Variants in PSD3 observed in about 807,000 individuals in gnomAD.
PSD3 encodes pleckstrin and Sec7 domain containing 3, also known as PH and SEC7 domain-containing protein 3.
Under a neutral mutation model 105.5 loss-of-function variants are expected in PSD3, and 49 were observed. The observed-to-expected ratio is 0.46, with a 90% CI of 0.37 to 0.59. The LOEUF (loss-of-function observed/expected upper bound fraction) is 0.59, where lower values mean the gene tolerates loss of function less well. PSD3 is among the 20% of genes least tolerant of loss of function. The probability of loss-of-function intolerance (pLI) is 0.00; values close to 1 mark genes in which losing one functional copy is unlikely to be tolerated. For missense variants in PSD3, 1,561 were observed against 1,263.8 expected, an observed-to-expected ratio of 1.24 and a Z score of -3.57; for synonymous variants, 557 against 457.8, an observed-to-expected ratio of 1.22 and a Z score of -2.77.
At chr8:18,752,607 TA>T (rs1805673683) in intron 9 of PSD3, among the ~76,000 whole-genome samples, 2 of 68,520 alleles carry the variant, frequency 2.9e-5, no homozygotes, top group African/African-American at 6.2e-5. Context: ...ATATTATATA[TA>T]ATACATATAA....
chr8:18,908,190 T>G (rs1190733084), intron 2 of PSD3, among the ~76,000 whole-genome samples: 2 of 152,132 alleles, frequency 1.3e-5, no homozygotes, highest in Admixed American at 1.3e-4. Context: ...GAATGATTGG[T>G]TCAACAATAG....
At chr8:18,731,114 G>T (rs1286400285) in intron 9 of PSD3, among the ~76,000 whole-genome samples, 1 of 151,582 alleles carries the variant, frequency 6.6e-6, no homozygotes, top group Non-Finnish European at 1.5e-5. Flanking sequence ...AAATTAGCTG[G>T]ACGTGGGGGC....
intron 1 of PSD3, among the ~76,000 whole-genome samples, chr8:19,079,144 A>G (rs1418084485): frequency 6.6e-6 from 1 of 152,088 alleles, no homozygotes; most frequent in African/African-American, 2.4e-5. Flanking sequence ...AGGAGAGAAA[A>G]AGAGCAAGAG....
intron 2 of PSD3, among the ~76,000 whole-genome samples, chr8:18,924,264 G>A (rs754215631): frequency 1.2e-4 from 18 of 152,188 alleles, no homozygotes; most frequent in Non-Finnish European, 2.4e-4. Flanking sequence ...AGAGGCTGTG[G>A]TACAGCTAAA....
chr8:18,891,991 G>T (rs953214252), intron 2 of PSD3, among the ~76,000 whole-genome samples: 2 of 152,122 alleles, frequency 1.3e-5, no homozygotes, highest in Non-Finnish European at 2.9e-5. Flanking sequence ...ACAGTTAAAA[G>T]AATAAGAAGC....
At chr8:18,772,495 T>C (rs1007578273) in intron 8 of PSD3, among the ~76,000 whole-genome samples, 1 of 152,202 alleles carries the variant, frequency 6.6e-6, no homozygotes, top group Non-Finnish European at 1.5e-5. Context: ...TGTTTTCATA[T>C]GCTTGTGAAC....
intron 9 of PSD3, among the ~76,000 whole-genome samples, chr8:18,730,731 C>A (rs1254624960): frequency 6.6e-6 from 1 of 152,216 alleles, no homozygotes; most frequent in African/African-American, 2.4e-5. Context: ...GATCTCCAAA[C>A]ATTGCCAGAT....
At chr8:18,638,611 T>G (rs1310311369) in intron 10 of PSD3, among the ~76,000 whole-genome samples, 1 of 151,938 alleles carries the variant, frequency 6.6e-6, no homozygotes, top group Non-Finnish European at 1.5e-5. Flanking sequence ...CTGAAAACCG[T>G]AAAACATTGA....
intron 1 of PSD3, among the ~76,000 whole-genome samples, chr8:18,987,018 A>G (rs955209966): frequency 6.6e-6 from 1 of 152,182 alleles, no homozygotes; most frequent in Non-Finnish European, 1.5e-5. Context: ...TTCACAAAAA[A>G]AATTTGCAAC....
At chr8:18,942,155 C>A (rs913395222) in intron 1 of PSD3, among the ~76,000 whole-genome samples, 1 of 152,146 alleles carries the variant, frequency 6.6e-6, no homozygotes, top group East Asian at 1.9e-4. Flanking sequence ...AGGTGGCATG[C>A]TCCTTCATTT....
intron 8 of PSD3, among the ~76,000 whole-genome samples, chr8:18,776,705 G>C (rs762479229): frequency 2.6e-5 from 4 of 152,132 alleles, no homozygotes; most frequent in Non-Finnish European, 5.9e-5. Flanking sequence ...TGACAGAACT[G>C]AGCAGTGAAA....
intron 1 of PSD3, among the ~76,000 whole-genome samples, chr8:18,991,799 C>T (rs1436940413): frequency 6.6e-6 from 1 of 152,110 alleles, no homozygotes; most frequent in Non-Finnish European, 1.5e-5. Context: ...AACTTTTATC[C>T]ATGTTTAAAA....
chr8:18,552,083 C>T (rs143397633), intron 15 of PSD3, among the ~76,000 whole-genome samples: 4 of 152,290 alleles, frequency 2.6e-5, no homozygotes, highest in African/African-American at 7.2e-5. Context: ...AAAGAAAACA[C>T]GTTGACATTA....
chr8:18,811,220 T>C (rs1811652271), intron 4 of PSD3, among the ~76,000 whole-genome samples: 4 of 152,214 alleles, frequency 2.6e-5, no homozygotes, highest in Admixed American at 2.6e-4. Flanking sequence ...ATAACCCATT[T>C]TACAGATGGG....
intron 8 of PSD3, among the ~76,000 whole-genome samples, chr8:18,779,310 T>G (rs1808393097): frequency 6.6e-6 from 1 of 152,086 alleles, no homozygotes; most frequent in African/African-American, 2.4e-5. Context: ...CTTTTTTGGT[T>G]GGGATTTTAT....
chr8:18,843,083 T>C (rs548580954), intron 4 of PSD3, among the ~76,000 whole-genome samples: 5 of 152,236 alleles, frequency 3.3e-5, no homozygotes, highest in African/African-American at 1.2e-4. Flanking sequence ...TCAGTAGTAT[T>C]AGAGGAACCC....
intron 2 of PSD3, among the ~76,000 whole-genome samples, chr8:18,926,047 T>C (rs1821340106): frequency 6.6e-6 from 1 of 151,936 alleles, no homozygotes; most frequent in Non-Finnish European, 1.5e-5. Flanking sequence ...GGTATTCTGG[T>C]GATGCTACTG....
intron 1 of PSD3, among the ~76,000 whole-genome samples, chr8:19,081,963 G>C (rs1829658678): frequency 6.6e-6 from 1 of 152,106 alleles, no homozygotes; most frequent in South Asian, 2.1e-4. Context: ...TTCCATTATG[G>C]GGGATCGAGG....
intron 12 of PSD3, among the ~76,000 whole-genome samples, chr8:18,582,613 A>C (rs1422356516): frequency 6.6e-6 from 1 of 152,122 alleles, no homozygotes; most frequent in Non-Finnish European, 1.5e-5. Flanking sequence ...CATTGGCTCC[A>C]GATCAAAGTA....
Sources: gnomAD v4.1 joint callset for allele counts (sites outside exome capture counted in the v4.1 genomes callset) on GRCh38, gnomAD v4.1.1 for gene constraint, MANE v1.5 for transcripts, NCBI Gene and HGNC (gene_info 2026-07-23, HGNC 2026-07-21) for gene names.